SLC35F1: variants seen among roughly 807,000 people sequenced by gnomAD.
SLC35F1 encodes solute carrier family 35 member F1.
Under a neutral mutation model 48.7 loss-of-function variants are expected in SLC35F1, and 14 were observed. That is an observed-to-expected ratio of 0.29 (90% CI 0.19 to 0.45). SLC35F1 has a LOEUF of 0.45. SLC35F1 is among the 20% of genes least tolerant of loss of function. SLC35F1 has a pLI of 1.00. For missense variants in SLC35F1, 404 were observed against 500.0 expected (o/e 0.81, Z 1.83); for synonymous variants, 190 against 202.2 (o/e 0.94, Z 0.51).
chr6:118,126,154 T>G (rs1032277501), intron 1 of SLC35F1, among the ~76,000 whole-genome samples: 1 of 152,206 alleles, frequency 6.6e-6, no homozygotes, highest in Non-Finnish European at 1.5e-5. Flanking sequence ...AAGAGACTGC[T>G]GACTTTCCTG....
At chr6:118,204,217 C>T (rs996584173) in intron 2 of SLC35F1, among the ~76,000 whole-genome samples, 2 of 151,314 alleles carry the variant, frequency 1.3e-5, no homozygotes, top group African/African-American at 4.9e-5. Context: ...AAGGAAAGGG[C>T]AAGAGAGTGA....
chr6:118,088,731 G>A (rs548072993), intron 1 of SLC35F1, among the ~76,000 whole-genome samples: 10 of 152,278 alleles, frequency 6.6e-5, no homozygotes, highest in African/African-American at 2.4e-4. Flanking sequence ...TCAGCCATAG[G>A]GGTGATGGAA....
At chr6:118,047,488 A>G (rs1023548105) in intron 1 of SLC35F1, among the ~76,000 whole-genome samples, 5 of 152,152 alleles carry the variant, frequency 3.3e-5, no homozygotes, top group Admixed American at 2.0e-4. Context: ...TCAGCTTTAT[A>G]CTATTGTGGA....
chr6:118,051,193 A>T (rs1164706236), intron 1 of SLC35F1, among the ~76,000 whole-genome samples: 1 of 152,162 alleles, frequency 6.6e-6, no homozygotes, highest in African/African-American at 2.4e-5. Context: ...GACTTTTACC[A>T]TTTATCAAGC....
chr6:117,922,301 A>G (rs550967319), intron 1 of SLC35F1, among the ~76,000 whole-genome samples: 2 of 152,340 alleles, frequency 1.3e-5, no homozygotes, highest in East Asian at 3.9e-4. Flanking sequence ...TCTTATTCTC[A>G]TTCATAAATA....
intron 1 of SLC35F1, among the ~76,000 whole-genome samples, chr6:118,011,459 C>A (rs191319764): frequency 1.2e-4 from 18 of 152,236 alleles, no homozygotes; most frequent in African/African-American, 4.3e-4. Context: ...TTTACTATCA[C>A]AAGAACAGCA....
At chr6:118,178,029 G>GTTC (rs1338358164) in intron 2 of SLC35F1, among the ~76,000 whole-genome samples, 1 of 152,058 alleles carries the variant, frequency 6.6e-6, no homozygotes, top group Non-Finnish European at 1.5e-5. Context: ...AGGTTTGGAT[G>GTTC]TTCTACTCCT....
At chr6:118,313,247 A>C (rs1031820972) in intron 7 of SLC35F1, among the ~76,000 whole-genome samples, 1 of 152,244 alleles carries the variant, frequency 6.6e-6, no homozygotes, top group Non-Finnish European at 1.5e-5. Flanking sequence ...TAACTACTGA[A>C]GTAACTACTT....
chr6:118,235,408 G>T lies in SLC35F1; in HGVS notation c.350-101G>T. ...TGTTTAAATATTTGGTAAACTTTAG[G>T]TTAAAAATATATAATGTTGCAACAT... On this transcript the variant is annotated intron_variant, in intron 2 of 7. Transcript: ENST00000360388. The T allele has an allele frequency of 3.5e-6, 4 of 1,138,996 alleles. No individual in the cohort carries two copies. In the South Asian group the frequency reaches 5.6e-5, roughly 16 times the overall value. 70.6% of individuals were successfully genotyped at this position (1,138,996 alleles called of 1,614,324 possible).
At chr6:117,942,854 T>C (rs2114821081) in intron 1 of SLC35F1, among the ~76,000 whole-genome samples, 1 of 152,354 alleles carries the variant, frequency 6.6e-6, no homozygotes, top group African/African-American at 2.4e-5. Context: ...ATGAACTTTA[T>C]TTTATCTTAC....
intron 2 of SLC35F1, among the ~76,000 whole-genome samples, chr6:118,195,186 T>G (rs139458142): frequency 7.9e-5 from 12 of 152,172 alleles, no homozygotes. Flanking sequence ...TCAGGTAAAA[T>G]GTACCCCCAT....
intron 4 of SLC35F1, among the ~76,000 whole-genome samples, chr6:118,270,088 ACTGT>A (rs778688417): frequency 1.3e-5 from 2 of 152,182 alleles, no homozygotes; most frequent in African/African-American, 4.8e-5. Flanking sequence ...AGGAAAAGAG[ACTGT>A]CTGACTTCAT....
chr6:118,037,516 G>A (rs1042696625), intron 1 of SLC35F1, among the ~76,000 whole-genome samples: 4 of 151,892 alleles, frequency 2.6e-5, no homozygotes, highest in Admixed American at 6.6e-5. Context: ...TGAATTTTGG[G>A]GGGGTTACTT....
chr6:117,962,223 C>T (rs1450764918), intron 1 of SLC35F1, among the ~76,000 whole-genome samples: 1 of 152,144 alleles, frequency 6.6e-6, no homozygotes, highest in Non-Finnish European at 1.5e-5. Context: ...CTGCCTTTCC[C>T]ATCCTGTCTA....
At chr6:118,094,559 C>G (rs915650613) in intron 1 of SLC35F1, among the ~76,000 whole-genome samples, 1 of 152,122 alleles carries the variant, frequency 6.6e-6, no homozygotes, top group East Asian at 1.9e-4. Flanking sequence ...AATTCTAAGA[C>G]TCTTCCACTT....
intron 1 of SLC35F1, among the ~76,000 whole-genome samples, chr6:118,090,235 T>C (rs1373601237): frequency 1.3e-5 from 2 of 152,162 alleles, no homozygotes; most frequent in Non-Finnish European, 2.9e-5. Flanking sequence ...GCCAGGATGC[T>C]CTAAGTCAAA....
At chr6:118,006,884 A>G (rs1057120301) in intron 1 of SLC35F1, among the ~76,000 whole-genome samples, 1 of 152,148 alleles carries the variant, frequency 6.6e-6, no homozygotes, top group African/African-American at 2.4e-5. Context: ...TGCATGTTAC[A>G]CACATGCTAC....
At chr6:117,952,659 G>C (rs1356630061) in intron 1 of SLC35F1, among the ~76,000 whole-genome samples, 3 of 152,250 alleles carry the variant, frequency 2.0e-5, no homozygotes, top group Admixed American at 2.0e-4. Context: ...ACTGGAGACA[G>C]ATTCTTCTTA....
chr6:117,951,766 A>T (rs1776365675), intron 1 of SLC35F1, among the ~76,000 whole-genome samples: 2 of 152,192 alleles, frequency 1.3e-5, no homozygotes, highest in Non-Finnish European at 2.9e-5. Context: ...ACCCCACACT[A>T]ATGCTCTTTT....
Sources: allele counts gnomAD v4.1 joint callset (sites outside exome capture counted in the v4.1 genomes callset), GRCh38; gene constraint gnomAD v4.1.1; transcripts MANE v1.5; gene names NCBI Gene and HGNC (gene_info 2026-07-23, HGNC 2026-07-21).